Variants in GFM1 observed in about 807,000 individuals in gnomAD.
GFM1 encodes elongation factor G, mitochondrial.
A neutral mutation model predicts 96.2 loss-of-function variants in GFM1; 62 were observed. The ratio of observed to expected loss-of-function variants is 0.64; its 90% CI spans 0.53 to 0.80. GFM1 has a LOEUF of 0.80. Ranked by LOEUF, GFM1 falls within the 30% of genes least tolerant of loss-of-function variation. The probability of loss-of-function intolerance (pLI) is 0.00; values close to 1 mark genes in which losing one functional copy is unlikely to be tolerated. For synonymous variants in GFM1, 282 were observed against 312.9 expected (o/e 0.90, Z 1.04); for missense variants, 852 against 916.6 (o/e 0.93, Z 0.91).
intron 8 of GFM1, among the ~76,000 whole-genome samples, chr3:158,654,836 G>T (rs1461104789): frequency 1.3e-5 from 2 of 152,150 alleles, no homozygotes; most frequent in Non-Finnish European, 2.9e-5. Flanking sequence ...CTCTTTGCCT[G>T]AAGAGTGTAA....
chr3:158,695,526 C>T lies in GFM1; in HGVS notation c.*4059C>T, dbSNP rs1367575521. ...TATTATTTGTATGTATAGAATTCCC[C>T]CTCATAATCTATTGTACTGTAATAA... is the stretch of plus-strand genomic sequence containing the variant. On this transcript the variant is annotated 3_prime_UTR_variant, in exon 18 of 18. Transcript: ENST00000486715. 1 of 152,112 alleles carries T rather than the reference C, an allele frequency of 6.6e-6. No individual in the cohort carries two copies. Among genetic ancestry groups the T allele is most frequent in the Non-Finnish European group, 1.5e-5 (1 of 68,036 alleles). 9.4% of individuals were successfully genotyped at this position (152,112 alleles called of 1,614,324 possible). A position where few individuals can be genotyped will look rare whatever the true frequency, so the allele number is the denominator to read the frequency against.
At chr3:158,661,609 TC>T (rs1723204377) in intron 10 of GFM1, among the ~76,000 whole-genome samples, 1 of 152,210 alleles carries the variant, frequency 6.6e-6, no homozygotes, top group South Asian at 2.1e-4. Context: ...GCCTTTGAAT[TC>T]CCTTCACTCA....
intron 11 of GFM1, 72 bp downstream of exon 11, chr3:158,662,756 C>T (rs977218382): frequency 1.1e-6 from 1 of 873,088 alleles, no homozygotes; most frequent in Non-Finnish European, 2.0e-6. Context: ...CTCTACAATG[C>T]ACTTGATATC....
intron 13 of GFM1, among the ~76,000 whole-genome samples, chr3:158,671,926 A>C (rs1286056123): frequency 2.0e-5 from 3 of 152,154 alleles, no homozygotes; most frequent in African/African-American, 7.2e-5. Flanking sequence ...GGGTCTGATA[A>C]GGATTTGTCT....
chr3:158,648,144 G>A (rs1721983483), intron 4 of GFM1, among the ~76,000 whole-genome samples: 1 of 151,902 alleles, frequency 6.6e-6, no homozygotes, highest in South Asian at 2.1e-4. Flanking sequence ...TATCAGTAGA[G>A]GTAATTGTTT....
intron 8 of GFM1, among the ~76,000 whole-genome samples, chr3:158,658,565 C>G (rs17697458): frequency 0.18 from 26,913 of 152,092 alleles, 2,456 homozygotes; most frequent in Non-Finnish European, 0.22. Flanking sequence ...TGTTGTTTTT[C>G]CAAGTATACC....
chr3:158,655,984 T>G, intron 8 of GFM1: 1 of 451,808 alleles, frequency 2.2e-6, no homozygotes, highest in Non-Finnish European at 4.4e-6. Flanking sequence ...TCAGCTCTTT[T>G]GTAGAGTGTC....
rs139042191 is a variant in GFM1 at position 158,682,019 on chromosome 3, A to G, written c.1626A>G (p.Gln542=). ...GGTTTGACTTTACACATAAAAAACA[A>G]TCAGGTGGTGCAGGCCAGTATGGAA... ...PVPFDFTHKK[Q]SGGAGQYGKV... Residue 542 remains glutamine, a synonymous_variant, in exon 14 of 18, where the codon CAA becomes CAG. Transcript: ENST00000486715. 59 of 1,613,574 alleles carry G rather than the reference A, an allele frequency of 3.7e-5. No individual in the cohort carries two copies. The highest frequency in any genetic ancestry group is 4.8e-5 in the Non-Finnish European group (57 of 1,179,828).
intron 12 of GFM1, among the ~76,000 whole-genome samples, chr3:158,665,820 A>G (rs1044035477): frequency 1.3e-5 from 2 of 152,168 alleles, no homozygotes; most frequent in Non-Finnish European, 2.9e-5. Context: ...TTTTCAGGCC[A>G]TTTCTTCTCA....
Position 158,694,920 on chromosome 3 carries a change from T to C in GFM1, c.*3453T>C, listed in dbSNP as rs570768375. 1.3e-5 allele frequency among the ~76,000 whole-genome samples: 2 copies of C among 152,208 alleles called. No homozygotes were observed. Among genetic ancestry groups the C allele is most frequent in the Non-Finnish European group, 2.9e-5 (2 of 68,032 alleles). ...AAATGAATGTCAAGCTGTATGTAAT[T>C]GTAATTAGCTAAGAGTGATTCAGAA... On this transcript the variant is annotated 3_prime_UTR_variant, in exon 18 of 18. Coordinates refer to ENST00000486715, the MANE Select transcript of GFM1 (RefSeq NM_024996.7).
chr3:158,665,582 C>A, intron 12 of GFM1, 108 bp downstream of exon 12: 2 of 940,346 alleles, frequency 2.1e-6, no homozygotes, highest in Non-Finnish European at 3.4e-6. Context: ...GTTCTTCATG[C>A]GTCACTCTGG....
At position 158,691,706 on chromosome 3, in the gene GFM1, CAAATA is replaced by C. The variant is rs1402238825; in HGVS notation, c.*245_*249del. On this transcript the variant is annotated 3_prime_UTR_variant, in exon 18 of 18. Coordinates refer to ENST00000486715, the MANE Select transcript of GFM1 (RefSeq NM_024996.7). The stretch of plus-strand genomic sequence containing the variant: ...GGTTTTATAGTTCATTGAAAATCCT[CAAATA>C]AAATATAATTATTACTGAAATATGT... The C allele has an allele frequency of 8.2e-6, 3 of 365,392 alleles. No homozygotes were observed. Among genetic ancestry groups the C allele is most frequent in the African/African-American group, 2.1e-5 (1 of 47,580 alleles). The allele number at this position is 365,392 out of a possible 1,614,324, so 22.6% of individuals were successfully genotyped here.
intron 1 of GFM1, 166 bp downstream of exon 1, chr3:158,644,881 C>A (rs1274342375): frequency 3.1e-6 from 2 of 649,186 alleles, no homozygotes; most frequent in Non-Finnish European, 5.7e-6. Flanking sequence ...CACATTAGCT[C>A]GTTAGCTCGT....
rs536070973 is a variant in GFM1 at position 158,658,820 on chromosome 3, A to G, written c.1084-102A>G. On this transcript the variant is annotated intron_variant, in intron 8 of 17. Coordinates refer to ENST00000486715, the MANE Select transcript of GFM1 (RefSeq NM_024996.7). ...GAAATATGTAAGATAGATTACTAAA[A>G]TTGGTAGAGAATACTTGGAGGGAGT... 6 of 1,237,830 alleles carry G rather than the reference A, an allele frequency of 4.8e-6. No homozygotes were observed. In the East Asian group the frequency reaches 1.4e-4, roughly 29 times the overall value. 76.7% of individuals were successfully genotyped at this position (1,237,830 alleles called of 1,614,324 possible). A position where few individuals can be genotyped will look rare whatever the true frequency, so the allele number is the denominator to read the frequency against.
At chr3:158,670,697 G>C (rs1724201995) in intron 13 of GFM1, among the ~76,000 whole-genome samples, 1 of 152,164 alleles carries the variant, frequency 6.6e-6, no homozygotes, top group Non-Finnish European at 1.5e-5. Context: ...AATTAAATTT[G>C]TTTAATAAGA....
chr3:158,657,781 C>A (rs562038638), intron 8 of GFM1, among the ~76,000 whole-genome samples: 95 of 152,154 alleles, frequency 6.2e-4, no homozygotes, highest in African/African-American at 2.2e-3. Context: ...ATCCTTTCTT[C>A]CTTTTCCATT....
intron 8 of GFM1, chr3:158,657,531 A>C (rs1204351471): frequency 1.3e-5 from 2 of 152,230 alleles, no homozygotes; most frequent in African/African-American, 4.8e-5. Flanking sequence ...TCAGTGCTTT[A>C]AAGTTTGTAT....
intron 15 of GFM1, chr3:158,685,252 G>A (rs573544367): frequency 6.6e-6 from 1 of 152,108 alleles, no homozygotes; most frequent in Admixed American, 6.6e-5. Flanking sequence ...CTGATTCTTC[G>A]CTTTTAAGAG....
intron 13 of GFM1, among the ~76,000 whole-genome samples, chr3:158,673,781 G>T (rs6767563): frequency 0.42 from 63,089 of 151,732 alleles, 14,268 homozygotes; most frequent in African/African-American, 0.6. Flanking sequence ...TGGGATTACA[G>T]GCATAAGCCA....
Sources: allele counts gnomAD v4.1 joint callset (sites outside exome capture counted in the v4.1 genomes callset), GRCh38; gene constraint gnomAD v4.1.1; transcripts MANE v1.5; gene names NCBI Gene and HGNC (gene_info 2026-07-23, HGNC 2026-07-21).